The following FGF14 variants were observed in gnomAD, a reference collection of about 807,000 sequenced individuals.
The protein encoded by FGF14 is fibroblast growth factor 14.
Under a neutral mutation model 25.5 loss-of-function variants are expected in FGF14, and 5 were observed. The ratio of observed to expected loss-of-function variants is 0.20; its 90% CI spans 0.10 to 0.41. The LOEUF (loss-of-function observed/expected upper bound fraction) is 0.41, where lower values mean the gene tolerates loss of function less well. FGF14 is among the 10% of genes least tolerant of loss of function. FGF14 has a pLI of 1.00. For missense variants in FGF14, 222 were observed against 320.1 expected (o/e 0.69, Z 2.34); for synonymous variants, 138 against 118.3 (o/e 1.17, Z -1.08).
intron 1 of FGF14, among the ~76,000 whole-genome samples, chr13:102,276,016 T>A (rs2053519412): frequency 6.6e-6 from 1 of 151,980 alleles, no homozygotes; most frequent in Non-Finnish European, 1.5e-5. Flanking sequence ...ACTGTAAAGA[T>A]TAAAGTGGAA....
At chr13:101,830,041 A>G (rs765736736) in intron 3 of FGF14, among the ~76,000 whole-genome samples, 1 of 152,106 alleles carries the variant, frequency 6.6e-6, no homozygotes, top group Non-Finnish European at 1.5e-5. Flanking sequence ...GGGAGACCTT[A>G]GGCAGGCGAC....
chr13:101,924,450 T>TA (rs1566444202), intron 1 of FGF14, among the ~76,000 whole-genome samples: 1 of 152,154 alleles, frequency 6.6e-6, no homozygotes, highest in African/African-American at 2.4e-5. Flanking sequence ...GTGATTTTTT[T>TA]AAAAAAGCCA....
chr13:101,792,057 T>A (rs554567496), intron 3 of FGF14, among the ~76,000 whole-genome samples: 22 of 152,214 alleles, frequency 1.4e-4, no homozygotes, highest in African/African-American at 4.8e-4. Flanking sequence ...TAAATCTAAA[T>A]GATTACAATA....
At chr13:102,303,158 T>C (rs1594787169) in intron 1 of FGF14, among the ~76,000 whole-genome samples, 1 of 152,152 alleles carries the variant, frequency 6.6e-6, no homozygotes, top group African/African-American at 2.4e-5. Flanking sequence ...CGCTGGCTGC[T>C]CCCTTTGCCT....
intron 1 of FGF14, among the ~76,000 whole-genome samples, chr13:102,081,650 G>C (rs2043628739): frequency 6.6e-6 from 1 of 151,978 alleles, no homozygotes. Flanking sequence ...CATTTTACGA[G>C]TTTAAGATTG....
At chr13:102,332,799 C>T (rs1442026790) in intron 1 of FGF14, among the ~76,000 whole-genome samples, 1 of 152,090 alleles carries the variant, frequency 6.6e-6, no homozygotes, top group African/African-American at 2.4e-5. Context: ...CCCCCAAAAG[C>T]TTTGCAAGTT....
intron 1 of FGF14, among the ~76,000 whole-genome samples, chr13:102,282,986 T>C (rs1321584486): frequency 6.6e-6 from 1 of 152,210 alleles, no homozygotes; most frequent in African/African-American, 2.4e-5. Flanking sequence ...GTGGTTTAGA[T>C]AAGGTAGGCA....
At position 102,028,180 on chromosome 13, in the gene FGF14, C is replaced by T. The variant is rs578033321; in HGVS notation, c.209-152884G>A. Reference sequence around the variant, plus strand: ...TTGATGCCTTTTCTTTCTTTCTTCCCGAATGGTCTGCATGCTTGTGCTTCC... The same window carrying T: ...TTGATGCCTTTTCTTTCTTTCTTCCTGAATGGTCTGCATGCTTGTGCTTCC... On this transcript the variant is annotated intron_variant, in intron 1 of 4. Transcript: ENST00000376131. Among the ~76,000 whole-genome samples the T allele has an allele frequency of 4.6e-5, 7 of 152,094 alleles. No individual in the cohort carries two copies. In the East Asian group the frequency reaches 7.8e-4, roughly 17 times the overall value.
intron 3 of FGF14, among the ~76,000 whole-genome samples, chr13:101,863,429 T>G (rs1341997320): frequency 6.6e-6 from 1 of 152,122 alleles, no homozygotes; most frequent in African/African-American, 2.4e-5. Context: ...ATTAAGCACA[T>G]GCACTGCCTG....
chr13:102,127,382 TA>T (rs989430206), intron 1 of FGF14, among the ~76,000 whole-genome samples: 2 of 152,102 alleles, frequency 1.3e-5, no homozygotes, highest in African/African-American at 4.8e-5. Flanking sequence ...AGGTATAAAG[TA>T]GATATCAGAA....
chr13:101,926,835 T>A (rs1282880848), intron 1 of FGF14, among the ~76,000 whole-genome samples: 2 of 152,184 alleles, frequency 1.3e-5, no homozygotes, highest in African/African-American at 4.8e-5. Flanking sequence ...GAAATTTAGA[T>A]GAACTCCTTA....
At chr13:101,896,071 T>C (rs1324861796) in intron 1 of FGF14, among the ~76,000 whole-genome samples, 3 of 152,216 alleles carry the variant, frequency 2.0e-5, no homozygotes, top group African/African-American at 4.8e-5. Context: ...TGGGTTCTCA[T>C]ACCCATGTAC....
intron 3 of FGF14, among the ~76,000 whole-genome samples, chr13:101,845,388 T>G (rs1397418028): frequency 6.6e-6 from 1 of 151,814 alleles, no homozygotes. Context: ...AACAGCTGGG[T>G]AGGGAGAATT....
intron 1 of FGF14, among the ~76,000 whole-genome samples, chr13:102,013,961 A>G (rs905043896): frequency 2.6e-5 from 4 of 152,318 alleles, no homozygotes; most frequent in African/African-American, 7.2e-5. Context: ...CTAATGTTCA[A>G]TGAGTGATTT....
chr13:101,973,120 T>A (rs3063873), intron 1 of FGF14, among the ~76,000 whole-genome samples: 1,269 of 37,740 alleles, frequency 0.034, 6 homozygotes, highest in East Asian at 0.16. Flanking sequence ...AGTGTGCTTC[T>A]TTTTTTTTTT....
At chr13:101,826,339 T>C (rs917031702) in intron 3 of FGF14, among the ~76,000 whole-genome samples, 1 of 152,160 alleles carries the variant, frequency 6.6e-6, no homozygotes, top group South Asian at 2.1e-4. Flanking sequence ...AGTCTGAGGA[T>C]AATTTGATTC....
intron 1 of FGF14, among the ~76,000 whole-genome samples, chr13:102,022,929 G>A (rs1015261226): frequency 3.3e-5 from 5 of 151,982 alleles, no homozygotes; most frequent in Admixed American, 1.3e-4. Context: ...AGCACCTTGT[G>A]TGAAGCCTTG....
chr13:101,750,463 C>T (rs2037198867), intron 3 of FGF14, among the ~76,000 whole-genome samples: 1 of 152,096 alleles, frequency 6.6e-6, no homozygotes, highest in South Asian at 2.1e-4. Flanking sequence ...TACACAAACA[C>T]ATATTTTGAG....
intron 1 of FGF14, among the ~76,000 whole-genome samples, chr13:102,264,166 T>A (rs1451338759): frequency 6.6e-6 from 1 of 152,028 alleles, no homozygotes; most frequent in African/African-American, 2.4e-5. Context: ...TTGCCAGTTT[T>A]GAGAGTTGGT....
Sources: allele counts gnomAD v4.1 joint callset (sites outside exome capture counted in the v4.1 genomes callset), GRCh38; gene constraint gnomAD v4.1.1; transcripts MANE v1.5; gene names NCBI Gene and HGNC (gene_info 2026-07-23, HGNC 2026-07-21).